The following THSD7A variants were observed in gnomAD, a reference collection of about 807,000 sequenced individuals.
THSD7A encodes the protein thrombospondin type-1 domain-containing protein 7A.
THSD7A carries 96 observed loss-of-function variants against 231.3 expected under a neutral mutation model. The ratio of observed to expected loss-of-function variants is 0.41; its 90% CI spans 0.35 to 0.49. The LOEUF is 0.49. THSD7A is among the 20% of genes least tolerant of loss of function. THSD7A has a pLI of 0.05. For synonymous variants in THSD7A, 940 were observed against 743.3 expected (o/e 1.26, Z -4.30); for missense variants, 2,290 against 2,070.2 (o/e 1.11, Z -2.06).
intron 1 of THSD7A, among the ~76,000 whole-genome samples, chr7:11,708,933 T>C (rs1780858360): frequency 6.6e-6 from 1 of 150,724 alleles, no homozygotes; most frequent in Non-Finnish European, 1.5e-5. Flanking sequence ...ATAATACACA[T>C]TATAGCACTA....
At chr7:11,504,462 C>T (rs1275910016) in intron 6 of THSD7A, among the ~76,000 whole-genome samples, 1 of 152,072 alleles carries the variant, frequency 6.6e-6, no homozygotes, top group Non-Finnish European at 1.5e-5. Context: ...CAAATCATCA[C>T]ATGTAGGCCC....
intron 1 of THSD7A, among the ~76,000 whole-genome samples, chr7:11,672,932 T>C (rs953833656): frequency 7.2e-5 from 11 of 152,212 alleles, no homozygotes; most frequent in African/African-American, 2.4e-4. Context: ...AAAATTATGA[T>C]TAAATTCTGT....
In THSD7A at chr7:11,636,676, G is replaced by A. The variant is rs769542046; in HGVS notation, c.476C>T (p.Ala159Val). ...AATGTCTTTGTCTTTCTGGATGCAC[G>A]CTATCTCCCTCACCTGAATACCTTC... ...GEEGIQVREI[A>V]CIQKDKDIPA... Residue 159 changes from alanine (A) to valine (V), a missense_variant, in exon 2 of 28, where the codon GCG (alanine) becomes GTG (valine). Transcript: ENST00000423059. This position sits in a 1 kb window ranked among gnomAD's most constrained non-coding sequence, Gnocchi z 10.0. The A allele has an allele frequency of 1.2e-6, 2 of 1,613,974 alleles. No individual in the cohort carries two copies. Among genetic ancestry groups the A allele is most frequent in the Non-Finnish European group, 1.7e-6 (2 of 1,179,886 alleles).
At chr7:11,769,437 T>A (rs1783155940) in intron 1 of THSD7A, among the ~76,000 whole-genome samples, 1 of 151,916 alleles carries the variant, frequency 6.6e-6, no homozygotes, top group African/African-American at 2.4e-5. Context: ...AGGCAGTGAG[T>A]CTGTAAGGTC....
chr7:11,478,090 A>G (rs554306464), intron 7 of THSD7A, among the ~76,000 whole-genome samples: 2 of 152,266 alleles, frequency 1.3e-5, no homozygotes, highest in South Asian at 4.1e-4. Flanking sequence ...TATGTTAAAT[A>G]CATGTACTTA....
intron 1 of THSD7A, among the ~76,000 whole-genome samples, chr7:11,765,716 T>A (rs1783010595): frequency 6.6e-6 from 1 of 152,142 alleles, no homozygotes; most frequent in Non-Finnish European, 1.5e-5. Context: ...CTTGAGTAGT[T>A]TCATGTAAGT....
intron 1 of THSD7A, among the ~76,000 whole-genome samples, chr7:11,724,614 A>C (rs1256274297): frequency 1.3e-5 from 2 of 151,934 alleles, no homozygotes; most frequent in Non-Finnish European, 2.9e-5. Flanking sequence ...GAAGTATCTA[A>C]ATTTTGATAC....
intron 6 of THSD7A, among the ~76,000 whole-genome samples, chr7:11,486,922 T>C (rs1479559647): frequency 6.6e-6 from 1 of 152,194 alleles, no homozygotes; most frequent in African/African-American, 2.4e-5. Context: ...AAGCATATAC[T>C]ATTTAAACTT....
At chr7:11,658,096 C>T (rs112127351) in intron 1 of THSD7A, among the ~76,000 whole-genome samples, 109 of 151,652 alleles carry the variant, frequency 7.2e-4, no homozygotes, top group African/African-American at 2.1e-3. Flanking sequence ...CATCCATCAC[C>T]GGGCTAATTA....
chr7:11,613,485 T>C (rs548478404), intron 2 of THSD7A, among the ~76,000 whole-genome samples: 1 of 152,182 alleles, frequency 6.6e-6, no homozygotes, highest in African/African-American at 2.4e-5. Flanking sequence ...CAGGTTGTTG[T>C]GCAGAGTCAT....
At chr7:11,473,537 T>C (rs549439813) in intron 8 of THSD7A, among the ~76,000 whole-genome samples, 2 of 152,322 alleles carry the variant, frequency 1.3e-5, no homozygotes, top group South Asian at 4.1e-4. Context: ...CTAAGGTGAT[T>C]TGAATTTTTA....
Position 11,636,059 on chromosome 7 carries a change from T to A in THSD7A, c.1022+71A>T. ...ACGTAATCCAGAAGTTATTAGATAGTACCGGATATCTTAGGTACTCATGAT... is the reference window on the plus strand; with the variant it reads ...ACGTAATCCAGAAGTTATTAGATAGAACCGGATATCTTAGGTACTCATGAT... On this transcript the variant is annotated intron_variant, in intron 2 of 27. Transcript: ENST00000423059. This position sits in a 1 kb window ranked among gnomAD's most constrained non-coding sequence, Gnocchi z 10.0. 1 of 1,391,612 alleles carries A rather than the reference T, an allele frequency of 7.2e-7. No individual in the cohort carries two copies. Among genetic ancestry groups the A allele is most frequent in the Non-Finnish European group, 9.9e-7 (1 of 1,012,362 alleles). The allele number at this position is 1,391,612 out of a possible 1,614,324, so 86.2% of individuals were successfully genotyped here. A position where few individuals can be genotyped will look rare whatever the true frequency, so the allele number is the denominator to read the frequency against.
At chr7:11,761,381 G>A in intron 1 of THSD7A, among the ~76,000 whole-genome samples, 1 of 151,978 alleles carries the variant, frequency 6.6e-6, no homozygotes, top group Non-Finnish European at 1.5e-5. Flanking sequence ...TTTGCAAATA[G>A]AATCACTTAT....
intron 8 of THSD7A, among the ~76,000 whole-genome samples, chr7:11,471,304 G>A (rs565030858): frequency 6.6e-6 from 1 of 151,864 alleles, no homozygotes; most frequent in African/African-American, 2.4e-5. Context: ...TGGGAAATAG[G>A]ATTTTAAAAT....
chr7:11,687,596 G>C (rs867035971), intron 1 of THSD7A, among the ~76,000 whole-genome samples: 30 of 151,980 alleles, frequency 2.0e-4, no homozygotes, highest in Middle Eastern at 3.4e-3. Context: ...AAATTCAGAA[G>C]AGTTATTAGG....
intron 1 of THSD7A, among the ~76,000 whole-genome samples, chr7:11,659,509 C>T (rs1163312947): frequency 1.3e-5 from 2 of 151,242 alleles, no homozygotes; most frequent in African/African-American, 4.8e-5. Flanking sequence ...GCCTTCTATA[C>T]CATTTTCTCT....
intron 2 of THSD7A, among the ~76,000 whole-genome samples, chr7:11,605,836 C>T (rs1414142931): frequency 1.3e-5 from 2 of 152,114 alleles, no homozygotes; most frequent in African/African-American, 2.4e-5. Context: ...TTTTCTGTGG[C>T]TACAGGAAGC....
At chr7:11,570,353 A>G (rs1428179372) in intron 4 of THSD7A, among the ~76,000 whole-genome samples, 1 of 152,178 alleles carries the variant, frequency 6.6e-6, no homozygotes, top group African/African-American at 2.4e-5. Flanking sequence ...AGAGAAGGGT[A>G]GTGGAAAGAG....
At chr7:11,540,317 T>C (rs1463224001) in intron 6 of THSD7A, among the ~76,000 whole-genome samples, 1 of 152,248 alleles carries the variant, frequency 6.6e-6, no homozygotes, top group African/African-American at 2.4e-5. Context: ...AAAAGGCTAA[T>C]TTCTCAGTAA....
Sources: allele counts gnomAD v4.1 joint callset (sites outside exome capture counted in the v4.1 genomes callset), GRCh38; gene constraint gnomAD v4.1.1; non-coding constraint Gnocchi (gnomAD v3.1); transcripts MANE v1.5; gene names NCBI Gene and HGNC (gene_info 2026-07-23, HGNC 2026-07-21).